Variants in DPP10 observed in about 807,000 individuals in gnomAD.
The protein encoded by DPP10 is inactive dipeptidyl peptidase 10.
Under a neutral mutation model 120.9 loss-of-function variants are expected in DPP10, and 33 were observed. The ratio of observed to expected loss-of-function variants is 0.27; its 90% CI spans 0.21 to 0.37. The LOEUF (loss-of-function observed/expected upper bound fraction) is 0.37. DPP10 is among the 10% of genes least tolerant of loss of function. DPP10 has a pLI of 1.00. For missense variants in DPP10, 816 were observed against 942.8 expected (o/e 0.87, Z 1.76); for synonymous variants, 337 against 326.1 (o/e 1.03, Z -0.36).
intron 1 of DPP10, among the ~76,000 whole-genome samples, chr2:114,769,282 G>C (rs958828880): frequency 6.6e-6 from 1 of 152,060 alleles, no homozygotes; most frequent in Non-Finnish European, 1.5e-5. Context: ...CTGAGCTGGT[G>C]GTTAACTGTT....
intron 1 of DPP10, among the ~76,000 whole-genome samples, chr2:114,999,605 C>A (rs542144948): frequency 6.6e-6 from 1 of 152,116 alleles, no homozygotes; most frequent in East Asian, 1.9e-4. Context: ...TATCTTGAGG[C>A]CTTTGTCGGT....
intron 1 of DPP10, among the ~76,000 whole-genome samples, chr2:115,121,914 A>G (rs1357996383): frequency 6.6e-6 from 1 of 152,232 alleles, no homozygotes; most frequent in East Asian, 1.9e-4. Flanking sequence ...GAACAGTATT[A>G]CAAAGGAAAA....
chr2:115,429,857 A>C (rs2070814097), intron 3 of DPP10, among the ~76,000 whole-genome samples: 1 of 152,196 alleles, frequency 6.6e-6, no homozygotes, highest in African/African-American at 2.4e-5. Flanking sequence ...TCTGTTGAAA[A>C]AGTAACGCCT....
chr2:115,293,075 G>A (rs2060726028), intron 1 of DPP10, among the ~76,000 whole-genome samples: 1 of 152,000 alleles, frequency 6.6e-6, no homozygotes, highest in African/African-American at 2.4e-5. Context: ...CATCTCTAGG[G>A]TACAGATTCA....
At chr2:114,790,765 C>T (rs1048615109) in intron 1 of DPP10, among the ~76,000 whole-genome samples, 2 of 152,072 alleles carry the variant, frequency 1.3e-5, no homozygotes, top group African/African-American at 2.4e-5. Context: ...AGGCAAGGAC[C>T]GGCCATTTAT....
intron 1 of DPP10, among the ~76,000 whole-genome samples, chr2:114,877,400 C>T (rs544368580): frequency 6.6e-6 from 1 of 152,052 alleles, no homozygotes; most frequent in South Asian, 2.1e-4. Flanking sequence ...CTTCGAAAGC[C>T]TTGGCCTACT....
intron 1 of DPP10, chr2:114,834,165 A>C (rs1687401457): frequency 1.4e-5 from 2 of 139,490 alleles, no homozygotes; most frequent in African/African-American, 5.0e-5. Flanking sequence ...CTATGTATAT[A>C]TAAGCCATAT....
intron 1 of DPP10, chr2:115,144,969 T>C (rs1468550193): frequency 6.6e-6 from 1 of 152,140 alleles, no homozygotes; most frequent in Non-Finnish European, 1.5e-5. Flanking sequence ...GCATTTATAG[T>C]TATTTTCTTT....
intron 3 of DPP10, among the ~76,000 whole-genome samples, chr2:115,364,123 T>A (rs1007884493): frequency 6.6e-6 from 1 of 152,160 alleles, no homozygotes; most frequent in Admixed American, 6.6e-5. Flanking sequence ...TCAAAGAATG[T>A]AAAATGCAGA....
chr2:115,356,334 A>T (rs189333560), intron 3 of DPP10, among the ~76,000 whole-genome samples: 2 of 152,116 alleles, frequency 1.3e-5, no homozygotes, highest in East Asian at 3.9e-4. Flanking sequence ...ATGGGAGTTT[A>T]TTCATGATTT....
At chr2:114,868,448 G>A (rs1165234249) in intron 1 of DPP10, among the ~76,000 whole-genome samples, 2 of 152,146 alleles carry the variant, frequency 1.3e-5, no homozygotes, top group Admixed American at 1.3e-4. Context: ...CCTCTTAAGA[G>A]TAATTTTATT....
intron 1 of DPP10, among the ~76,000 whole-genome samples, chr2:114,807,120 T>G (rs1255932444): frequency 6.6e-6 from 1 of 152,202 alleles, no homozygotes; most frequent in Non-Finnish European, 1.5e-5. Flanking sequence ...ATAAATACAC[T>G]GCTTAACTAA....
intron 1 of DPP10, among the ~76,000 whole-genome samples, chr2:114,497,299 ATACGTGTATACATG>A (rs1682696029): frequency 1.8e-5 from 1 of 56,628 alleles, no homozygotes; most frequent in Non-Finnish European, 5.1e-5. Context: ...ATGTACATGT[ATACGTGTATACATG>A]TACATGTATA....
At chr2:114,492,128 T>TA (rs772628015) in intron 1 of DPP10, among the ~76,000 whole-genome samples, 1 of 152,186 alleles carries the variant, frequency 6.6e-6, no homozygotes, top group Non-Finnish European at 1.5e-5. Flanking sequence ...AAGTGTTTGT[T>TA]ACAGCTGAAT....
At chr2:114,604,457 G>A (rs1692627785) in intron 1 of DPP10, among the ~76,000 whole-genome samples, 1 of 152,068 alleles carries the variant, frequency 6.6e-6, no homozygotes, top group Non-Finnish European at 1.5e-5. Context: ...GAAACAGATG[G>A]AGTTTTGCCC....
rs1488067423 is a variant in DPP10 at position 114,705,744 on chromosome 2, A to T, written c.60+262906A>T. Among the ~76,000 whole-genome samples the T allele has an allele frequency of 3.9e-5, 6 of 152,208 alleles. No individual in the cohort carries two copies. The East Asian group carries it at 1.2e-3, about 29-fold the overall frequency. On this transcript the variant is annotated intron_variant, in intron 1 of 25. Coordinates refer to ENST00000410059, the MANE Select transcript of DPP10 (RefSeq NM_020868.6). ...GGGAGAGGAGAGTATACCAGCTAGG[A>T]TGCTATCAGTGGCAAGTAATAAAAT... is the stretch of plus-strand genomic sequence containing the variant.
chr2:114,916,451 A>G (rs956201453), intron 1 of DPP10, among the ~76,000 whole-genome samples: 1 of 152,196 alleles, frequency 6.6e-6, no homozygotes, highest in Non-Finnish European at 1.5e-5. Context: ...AAGAGGAGGT[A>G]TTACTCTGTA....
chr2:115,738,659 G>A (rs137866798), intron 8 of DPP10, among the ~76,000 whole-genome samples: 151 of 152,114 alleles, frequency 9.9e-4, no homozygotes, highest in African/African-American at 3.3e-3. Flanking sequence ...TCACAGTTCC[G>A]TCTCTTGCTA....
intron 1 of DPP10, among the ~76,000 whole-genome samples, chr2:114,544,932 A>G (rs1465104926): frequency 6.6e-6 from 1 of 151,896 alleles, no homozygotes; most frequent in African/African-American, 2.4e-5. Flanking sequence ...GCTCACTGCA[A>G]CCTCCGCCTT....
Sources: allele counts gnomAD v4.1 joint callset (sites outside exome capture counted in the v4.1 genomes callset), GRCh38; gene constraint gnomAD v4.1.1; transcripts MANE v1.5; gene names NCBI Gene and HGNC (gene_info 2026-07-23, HGNC 2026-07-21).